The following SCN7A variants were observed in gnomAD, a reference collection of about 807,000 sequenced individuals.
The protein encoded by SCN7A is sodium voltage-gated channel alpha subunit 7.
In SCN7A, 138 loss-of-function variants were observed where a neutral mutation model predicts 155.2. The ratio of observed to expected loss-of-function variants is 0.89; its 90% CI spans 0.77 to 1.02. The LOEUF (loss-of-function observed/expected upper bound fraction) is 1.02, where lower values mean the gene tolerates loss of function less well. Ranked by LOEUF, SCN7A falls within the 50% of genes least tolerant of loss-of-function variation. The pLI is 0.00. For missense variants in SCN7A, 2,058 were observed against 1,986.6 expected, an observed-to-expected ratio of 1.04 and a Z score of -0.68; for synonymous variants, 693 against 649.0, an observed-to-expected ratio of 1.07 and a Z score of -1.03.
chr2:166,406,672 C>G (rs745725039), intron 25 of SCN7A, 26 bp from the exon 26 acceptor site: 5 of 1,434,396 alleles, frequency 3.5e-6, no homozygotes. Context: ...ATAAAGCAGG[C>G]TATACATTAT....
chr2:166,451,955 TAC>T (rs1389390986), intron 11 of SCN7A, among the ~76,000 whole-genome samples: 19 of 152,256 alleles, frequency 1.2e-4, no homozygotes, highest in Middle Eastern at 3.4e-3. Context: ...TCAGAGATAA[TAC>T]ACTTTTCAGA....
chr2:166,430,970 A>T, intron 16 of SCN7A, among the ~76,000 whole-genome samples: 1 of 152,076 alleles, frequency 6.6e-6, no homozygotes, highest in East Asian at 1.9e-4. Context: ...TGAGTAGTTA[A>T]TCAACCAGCA....
chr2:166,466,052 TC>T, intron 7 of SCN7A, 65 bp from the exon 8 acceptor site: 1 of 1,134,820 alleles, frequency 8.8e-7, no homozygotes, highest in Non-Finnish European at 1.3e-6. Flanking sequence ...TTGGCAAACC[TC>T]TCCCACAGCA....
Position 166,412,504 on chromosome 2 carries a change from GATAAACAA to G in SCN7A, c.3606+18_3606+25del. On this transcript the variant is annotated intron_variant, in intron 23 of 25. Coordinates refer to ENST00000643258, the MANE Select transcript of SCN7A (RefSeq NM_002976.4). ...GTATGCCTGATTTTCTCAGACATTG[GATAAACAA>G]ATAATATTTATACTTATCTTTATTT... 1 of 1,389,872 alleles carries G rather than the reference GATAAACAA, an allele frequency of 7.2e-7. No individual in the cohort carries two copies. 86.1% of individuals were successfully genotyped at this position (1,389,872 alleles called of 1,614,324 possible). A position where few individuals can be genotyped will look rare whatever the true frequency, so the allele number is the denominator to read the frequency against.
chr2:166,476,112 T>C (rs1702791764), intron 3 of SCN7A, among the ~76,000 whole-genome samples: 1 of 151,948 alleles, frequency 6.6e-6, no homozygotes, highest in Non-Finnish European at 1.5e-5. Context: ...ACTTATACTT[T>C]CATTAAAATG....
Position 166,403,661 on chromosome 2 carries a change from C to A in SCN7A, c.*1919G>T, listed in dbSNP as rs576977912. 1.3e-5 allele frequency: 2 copies of A among 152,092 alleles called. No individual in the cohort carries two copies. Among genetic ancestry groups the A allele is most frequent in the East Asian group, 3.9e-4 (2 of 5,172 alleles). 9.4% of individuals were successfully genotyped at this position (152,092 alleles called of 1,614,324 possible). On this transcript the variant is annotated 3_prime_UTR_variant, in exon 26 of 26. Coordinates refer to ENST00000643258, the MANE Select transcript of SCN7A (RefSeq NM_002976.4). Reference sequence around the variant, plus strand: ...ACTTTGTTAAAAATAACTCTTTACACAGCTTTCGGAAGGTAACTGGCAAAC... The same window carrying A: ...ACTTTGTTAAAAATAACTCTTTACAAAGCTTTCGGAAGGTAACTGGCAAAC...
intron 6 of SCN7A, 92 bp downstream of exon 6, chr2:166,472,225 A>G: frequency 7.8e-7 from 1 of 1,287,340 alleles, no homozygotes; most frequent in Non-Finnish European, 1.0e-6. Flanking sequence ...GACTATCTGC[A>G]GGCCAAAATC....
chr2:166,485,182 A>T (rs184943611), intron 2 of SCN7A, among the ~76,000 whole-genome samples: 1 of 152,310 alleles, frequency 6.6e-6, no homozygotes, highest in East Asian at 1.9e-4. Context: ...GTGCTAGAAG[A>T]CAGCAAGCTA....
intron 11 of SCN7A, among the ~76,000 whole-genome samples, chr2:166,453,567 C>A (rs1408538756): frequency 6.6e-6 from 1 of 152,098 alleles, no homozygotes; most frequent in Admixed American, 6.6e-5. Context: ...CTCACTACAA[C>A]CCATAAGATA....
chr2:166,487,344 T>C (rs1703075840), intron 1 of SCN7A, among the ~76,000 whole-genome samples: 1 of 152,158 alleles, frequency 6.6e-6, no homozygotes, highest in Admixed American at 6.6e-5. Flanking sequence ...GCAGCTGCAT[T>C]TTCTTAGATA....
rs369255292 is a variant in SCN7A at position 166,444,972 on chromosome 2, T to C, written c.1416A>G (p.Pro472=). The change falls in exon 13 of 26, where the codon CCA becomes CCG. Residue 472 remains proline, a synonymous_variant. Transcript: ENST00000643258. ...EELEKSKKIC[P]LYWYKFAKTF... is the part of the protein sequence containing the mutation. ...TTTTAGCAAACTTATACCAGTATAA[T>C]GGGCATATCTTCTTGGATTTTTCAA... The C allele has an allele frequency of 1.4e-5, 22 of 1,609,802 alleles. No homozygotes were observed. Among genetic ancestry groups the C allele is most frequent in the Middle Eastern group, 3.3e-4 (2 of 6,050 alleles).
intron 3 of SCN7A, among the ~76,000 whole-genome samples, chr2:166,475,122 A>ATATATATGTATATATATATATACG (rs1702765399): frequency 1.1e-5 from 1 of 93,838 alleles, no homozygotes; most frequent in African/African-American, 4.1e-5. Context: ...ATATATATAC[A>ATATATATGTATATATATATATACG]TATATATATA....
At chr2:166,412,835 T>C (rs983519110) in intron 22 of SCN7A, among the ~76,000 whole-genome samples, 168 bp from the exon 23 acceptor site, 7 of 152,114 alleles carry the variant, frequency 4.6e-5, no homozygotes, top group Admixed American at 6.6e-5. Context: ...GTATGAATGT[T>C]AAAGTTCATT....
In SCN7A at chr2:166,462,400, G is replaced by C; in HGVS notation, c.1072C>G (p.Leu358Val). The change falls in exon 10 of 26, where the codon CTT (leucine) becomes GTT (valine). Residue 358 changes from leucine to valine, a missense_variant. Leu to Val is a conservative substitution (Grantham distance 32). Coordinates refer to ENST00000643258, the MANE Select transcript of SCN7A (RefSeq NM_002976.4). ...CTCTCTGTTCTTACCTGGTGATAAA[G>C]TACTTCAGGGTAATCCTGAGCCATT... The part of the protein sequence containing the change: ...RLMAQDYPEV[L>V]YHQILYASGK... 2 of 1,590,748 alleles carry C rather than the reference G, an allele frequency of 1.3e-6. No individual in the cohort carries two copies. Among genetic ancestry groups the C allele is most frequent in the East Asian group, 2.3e-5 (1 of 44,294 alleles).
chr2:166,432,466 T>A lies in SCN7A; in HGVS notation c.2444A>T (p.Glu815Val). 1 of 1,613,724 alleles carries A rather than the reference T, an allele frequency of 6.2e-7. No individual in the cohort carries two copies. Among genetic ancestry groups the A allele is most frequent in the East Asian group, 2.2e-5 (1 of 44,860 alleles). ...LKDKEKSSGT[E>V]KNATENESQS... ...GCTCTCATTTTCAGTAGCGTTTTTCTCTGTGCCACTGCTTTTTTCCTTATC... is the reference window on the plus strand; with the variant it reads ...GCTCTCATTTTCAGTAGCGTTTTTCACTGTGCCACTGCTTTTTTCCTTATC... The change falls in exon 16 of 26, where the codon GAG becomes GTG. Residue 815 changes from glutamate (E) to valine (V), a missense_variant. Glu to Val is a moderately radical substitution (Grantham distance 121). Transcript: ENST00000643258.
intron 21 of SCN7A, among the ~76,000 whole-genome samples, 175 bp from the exon 22 acceptor site, chr2:166,413,296 GTACT>G (rs1477477817): frequency 6.6e-6 from 1 of 151,958 alleles, no homozygotes; most frequent in Non-Finnish European, 1.5e-5. Context: ...ACTATTTCAA[GTACT>G]TAGTTTATTT....
intron 20 of SCN7A, among the ~76,000 whole-genome samples, chr2:166,418,906 C>CAGA (rs1181210158): frequency 1.3e-5 from 2 of 152,128 alleles, no homozygotes; most frequent in Non-Finnish European, 2.9e-5. Context: ...AGATAATTTA[C>CAGA]AGAACTTCCA....
chr2:166,411,847 C>T (rs1451225604), intron 23 of SCN7A, among the ~76,000 whole-genome samples: 2 of 152,002 alleles, frequency 1.3e-5, no homozygotes, highest in African/African-American at 4.8e-5. Flanking sequence ...GATTACATGG[C>T]TGAAGATAAA....
At chr2:166,484,213 G>T (rs1286503069) in intron 2 of SCN7A, among the ~76,000 whole-genome samples, 1 of 151,900 alleles carries the variant, frequency 6.6e-6, no homozygotes, top group African/African-American at 2.4e-5. Flanking sequence ...TATGGGGAAA[G>T]CATCAGCTTA....
Sources: allele counts gnomAD v4.1 joint callset (sites outside exome capture counted in the v4.1 genomes callset), GRCh38; gene constraint gnomAD v4.1.1; transcripts MANE v1.5; gene names NCBI Gene and HGNC (gene_info 2026-07-23, HGNC 2026-07-21).